PLEKHM3: variants seen among roughly 807,000 people sequenced by gnomAD.
PLEKHM3 encodes the protein pleckstrin homology domain-containing family M member 3.
In PLEKHM3, 45 loss-of-function variants were observed where a neutral mutation model predicts 81.8. The ratio of observed to expected loss-of-function variants is 0.55; its 90% CI spans 0.43 to 0.71. The LOEUF (loss-of-function observed/expected upper bound fraction) is 0.71. Ranked by LOEUF, PLEKHM3 falls within the 30% of genes least tolerant of loss-of-function variation. The pLI is 0.00. For synonymous variants in PLEKHM3, 352 were observed against 356.4 expected (o/e 0.99, Z 0.14); for missense variants, 788 against 924.3 (o/e 0.85, Z 1.91).
At chr2:207,937,029 G>A (rs1474237096) in intron 4 of PLEKHM3, among the ~76,000 whole-genome samples, 2 of 152,126 alleles carry the variant, frequency 1.3e-5, no homozygotes, top group Admixed American at 1.3e-4. Context: ...TCTCTGGAAG[G>A]ATACACGAGA....
intron 7 of PLEKHM3, among the ~76,000 whole-genome samples, chr2:207,838,636 G>T (rs1410249726): frequency 1.3e-5 from 2 of 152,156 alleles, no homozygotes; most frequent in African/African-American, 2.4e-5. Context: ...TGACCTTGAT[G>T]AAACAGTTTT....
intron 3 of PLEKHM3, among the ~76,000 whole-genome samples, chr2:207,975,515 T>C (rs897688181): frequency 2.7e-5 from 4 of 150,592 alleles, no homozygotes; most frequent in Admixed American, 6.7e-5. Flanking sequence ...TGGGGTTTAA[T>C]GGAAGGAAAA....
intron 6 of PLEKHM3, among the ~76,000 whole-genome samples, chr2:207,895,370 G>A (rs914210085): frequency 6.6e-6 from 1 of 152,166 alleles, no homozygotes; most frequent in Non-Finnish European, 1.5e-5. Flanking sequence ...GCAGGCAGGA[G>A]GCAGAGAAAA....
At chr2:207,901,165 A>G in intron 6 of PLEKHM3, 1 of 679,408 alleles carries the variant, frequency 1.5e-6, no homozygotes, top group Admixed American at 2.1e-5. Flanking sequence ...CTCACAACAC[A>G]CAGTCATCTT....
chr2:207,861,710 T>C (rs1350580260), intron 6 of PLEKHM3, among the ~76,000 whole-genome samples: 2 of 152,170 alleles, frequency 1.3e-5, no homozygotes, highest in South Asian at 2.1e-4. Context: ...TTTCACCATC[T>C]TCCCCAAGAA....
chr2:207,997,974 G>A (rs1692175452), intron 2 of PLEKHM3, among the ~76,000 whole-genome samples: 1 of 152,102 alleles, frequency 6.6e-6, no homozygotes, highest in Non-Finnish European at 1.5e-5. Flanking sequence ...TTGGCACCTG[G>A]ATATTGGCAC....
chr2:208,017,192 G>A (rs892359800), intron 1 of PLEKHM3, among the ~76,000 whole-genome samples: 2 of 152,178 alleles, frequency 1.3e-5, no homozygotes, highest in Non-Finnish European at 2.9e-5. Flanking sequence ...AGGGCCAACT[G>A]TAATTGTCTG....
chr2:207,973,629 C>T (rs1196537603), intron 3 of PLEKHM3, among the ~76,000 whole-genome samples: 1 of 152,086 alleles, frequency 6.6e-6, no homozygotes, highest in East Asian at 1.9e-4. Context: ...ATCCCAGCTA[C>T]TCAGGAGGCT....
intron 1 of PLEKHM3, among the ~76,000 whole-genome samples, chr2:208,009,865 G>C (rs1195306059): frequency 1.3e-5 from 2 of 152,170 alleles, no homozygotes; most frequent in Non-Finnish European, 2.9e-5. Context: ...GCTCATTTCA[G>C]TAAAATTTGA....
chr2:207,999,690 G>C (rs1692233656), intron 2 of PLEKHM3, among the ~76,000 whole-genome samples: 1 of 152,198 alleles, frequency 6.6e-6, no homozygotes, highest in East Asian at 1.9e-4. Context: ...CTAGATGTAA[G>C]ACTGGTGAGA....
chr2:208,007,739 G>A (rs1391007289), intron 1 of PLEKHM3, among the ~76,000 whole-genome samples: 1 of 151,888 alleles, frequency 6.6e-6, no homozygotes, highest in Non-Finnish European at 1.5e-5. Context: ...GCAACATAGT[G>A]AGACCCTTTC....
At chr2:207,936,091 T>A (rs1689740757) in intron 4 of PLEKHM3, among the ~76,000 whole-genome samples, 2 of 152,218 alleles carry the variant, frequency 1.3e-5, no homozygotes, top group Admixed American at 1.3e-4. Flanking sequence ...CAAGGGATCC[T>A]CCCACCTCAG....
At chr2:208,004,183 C>A (rs1380609446) in intron 1 of PLEKHM3, among the ~76,000 whole-genome samples, 1 of 152,028 alleles carries the variant, frequency 6.6e-6, no homozygotes, top group Non-Finnish European at 1.5e-5. Flanking sequence ...CTGTGGGAGG[C>A]AGGCAGATCA....
At chr2:207,881,621 A>C (rs1260282042) in intron 6 of PLEKHM3, among the ~76,000 whole-genome samples, 2 of 152,214 alleles carry the variant, frequency 1.3e-5, no homozygotes, top group Non-Finnish European at 2.9e-5. Flanking sequence ...TTTTATAATC[A>C]AGAAAAAACA....
chr2:208,017,772 T>C (rs1456094694), intron 1 of PLEKHM3, among the ~76,000 whole-genome samples: 1 of 152,204 alleles, frequency 6.6e-6, no homozygotes, highest in Non-Finnish European at 1.5e-5. Context: ...CCAGTGATTT[T>C]CTTTTTGCTA....
intron 6 of PLEKHM3, among the ~76,000 whole-genome samples, chr2:207,880,512 C>G (rs1483719811): frequency 1.3e-5 from 2 of 151,010 alleles, no homozygotes; most frequent in South Asian, 2.1e-4. Flanking sequence ...GCCTGTAATC[C>G]TAGCACTTTG....
At chr2:207,914,512 A>G (rs1688919646) in intron 5 of PLEKHM3, among the ~76,000 whole-genome samples, 1 of 151,556 alleles carries the variant, frequency 6.6e-6, no homozygotes, top group Non-Finnish European at 1.5e-5. Flanking sequence ...AAAAAAAACA[A>G]AAAACAAAAT....
chr2:208,023,384 C>G (rs1044675579), intron 1 of PLEKHM3, among the ~76,000 whole-genome samples: 1 of 152,034 alleles, frequency 6.6e-6, no homozygotes, highest in Non-Finnish European at 1.5e-5. Flanking sequence ...ATCTCCAGAA[C>G]TCTTTTCATT....
chr2:207,855,707 C>T (rs185193013), intron 7 of PLEKHM3, among the ~76,000 whole-genome samples: 38 of 152,148 alleles, frequency 2.5e-4, no homozygotes, highest in Non-Finnish European at 4.3e-4. Flanking sequence ...CCCATAAAAC[C>T]GACTCCACAC....
Sources: allele counts gnomAD v4.1 joint callset (sites outside exome capture counted in the v4.1 genomes callset), GRCh38; gene constraint gnomAD v4.1.1; transcripts MANE v1.5; gene names NCBI Gene and HGNC (gene_info 2026-07-23, HGNC 2026-07-21).